MYH6: variants seen among roughly 807,000 people sequenced by gnomAD.
MYH6 encodes the protein myosin-6.
A neutral mutation model predicts 223.2 loss-of-function variants in MYH6; 126 were observed. The ratio of observed to expected loss-of-function variants is 0.56; its 90% CI spans 0.49 to 0.65. MYH6 has a LOEUF of 0.65. Among genes scored for constraint, MYH6 ranks in the 30% least tolerant of loss-of-function variants. The probability of loss-of-function intolerance (pLI) is 0.00; values close to 1 mark genes in which losing one functional copy is unlikely to be tolerated. For synonymous variants in MYH6, 978 were observed against 1,010.2 expected (o/e 0.97, Z 0.61); for missense variants, 2,040 against 2,536.4 (o/e 0.80, Z 4.20).
chr14:23,395,684 A>G (rs1891370399), intron 20 of MYH6, among the ~76,000 whole-genome samples: 1 of 151,730 alleles, frequency 6.6e-6, no homozygotes, highest in South Asian at 2.1e-4. Context: ...CTGCCACCAC[A>G]CCCGGCTAAT....
chr14:23,397,294 A>G (rs781453118), intron 16 of MYH6, 37 bp from the exon 17 acceptor site: 64 of 1,590,302 alleles, frequency 4.0e-5, no homozygotes, highest in Admixed American at 6.7e-5. Flanking sequence ...AGGAGCCACA[A>G]GGACCATCCC....
Position 23,407,495 on chromosome 14 carries a change from C to T in MYH6, c.-14+81G>A. On this transcript the variant is annotated intron_variant, in intron 2 of 38. Transcript: ENST00000405093. This position sits in a 1 kb window ranked among gnomAD's most constrained non-coding sequence, Gnocchi z 5.6. The stretch of plus-strand genomic sequence containing the variant: ...AAGGGTTGGCGCTGAGTGCTTGGGA[C>T]AGCAGACCCCTGGTCCAGCAATCCG... 7.6e-7 allele frequency: 1 copy of T among 1,320,852 alleles called. No individual in the cohort carries two copies. Among genetic ancestry groups the T allele is most frequent in the Non-Finnish European group, 9.8e-7 (1 of 1,018,246 alleles). The allele number at this position is 1,320,852 out of a possible 1,614,324, so 81.8% of individuals were successfully genotyped here.
chr14:23,393,242 G>A (rs1258002963), intron 23 of MYH6, 100 bp downstream of exon 23: 2 of 1,535,760 alleles, frequency 1.3e-6, no homozygotes, highest in Non-Finnish European at 1.8e-6. Context: ...AAAGCTTCAG[G>A]GGCCATAGAA....
Position 23,407,213 on chromosome 14 carries a change from G to A in MYH6, c.11C>T (p.Ala4Val). 1 of 1,614,226 alleles carries A rather than the reference G, an allele frequency of 6.2e-7. No individual in the cohort carries two copies. Among genetic ancestry groups the A allele is most frequent in the Non-Finnish European group, 8.5e-7 (1 of 1,180,038 alleles). Residue 4 changes from alanine to valine, a missense_variant, in exon 3 of 39, where the codon GCC becomes GTC. Coordinates refer to ENST00000405093, the MANE Select transcript of MYH6 (RefSeq NM_002471.4). The surrounding 1 kb of genome is among the most constrained non-coding windows in gnomAD (Gnocchi z 5.6). MTD[A>V]QMADFGAAAQ... ...CGCTGCCCCAAAGTCAGCCATCTGG[G>A]CATCGGTCATCTTGGTGCTTCCCCT...
At chr14:23,401,042 T>G in intron 12 of MYH6, 65 bp from the exon 13 acceptor site, 2 of 1,569,110 alleles carry the variant, frequency 1.3e-6, no homozygotes, top group Non-Finnish European at 1.7e-6. Context: ...AGGCTTGCTC[T>G]GTCACCCAGG....
At position 23,396,775 on chromosome 14, in the gene MYH6, G is replaced by A. The variant is rs753818630; in HGVS notation, c.2211C>T (p.Phe737=). The change falls in exon 19 of 39, where the codon TTC becomes TTT. Residue 737 remains phenylalanine, a synonymous_variant. Transcript: ENST00000405093. ...LNPVAIPEGQ[F]IDSRKGTEKL... ...TCTCTGTCCCCTTCCTGCTATCAAT[G>A]AACTGTCCCTCAGGGATGGCCACTG... 1 of 1,613,976 alleles carries A rather than the reference G, an allele frequency of 6.2e-7. No homozygotes were observed. The highest frequency in any genetic ancestry group is 8.5e-7 in the Non-Finnish European group (1 of 1,179,874).
At chr14:23,392,494 G>C (rs1444646582) in intron 25 of MYH6, 68 bp downstream of exon 25, 1 of 1,181,760 alleles carries the variant, frequency 8.5e-7, no homozygotes, top group African/African-American at 1.5e-5. Context: ...ACCCTAAGCA[G>C]CTGCTGCAGC....
At position 23,404,277 on chromosome 14, in the gene MYH6, A is replaced by T; in HGVS notation, c.735+19T>A. On this transcript the variant is annotated intron_variant, in intron 8 of 38. Coordinates refer to ENST00000405093, the MANE Select transcript of MYH6 (RefSeq NM_002471.4). ...GTCAAGGCTGGATGAGGCCACTGGG[A>T]GTGGTCAAAGGCACTCACAAAGCGG... is the stretch of plus-strand genomic sequence containing the variant. 6.2e-7 allele frequency: 1 copy of T among 1,613,690 alleles called. No individual in the cohort carries two copies. Among genetic ancestry groups the T allele is most frequent in the East Asian group, 2.2e-5 (1 of 44,876 alleles).
intron 25 of MYH6, 140 bp downstream of exon 25, chr14:23,392,422 C>T (rs1053153274): frequency 1.1e-4 from 85 of 772,398 alleles, no homozygotes; most frequent in South Asian, 2.6e-4. Flanking sequence ...TGTTCCTGAG[C>T]GCCTGTAAGT....
intron 24 of MYH6, 32 bp from the exon 25 acceptor site, chr14:23,392,684 C>G (rs377181044): frequency 2.7e-6 from 4 of 1,468,256 alleles, no homozygotes; most frequent in African/African-American, 2.8e-5. Flanking sequence ...GGGGGAGTGA[C>G]AGGTAGCCTT....
chr14:23,399,097 G>A, intron 14 of MYH6, 60 bp from the exon 15 acceptor site: 1 of 1,593,576 alleles, frequency 6.3e-7, no homozygotes, highest in Non-Finnish European at 8.6e-7. Flanking sequence ...GGCTTCCACA[G>A]TCCCATACCC....
chr14:23,385,058 A>C lies in MYH6; in HGVS notation c.5164-17T>G. 1 of 1,613,928 alleles carries C rather than the reference A, an allele frequency of 6.2e-7. No individual in the cohort carries two copies. Among genetic ancestry groups the C allele is most frequent in the Non-Finnish European group, 8.5e-7 (1 of 1,179,872 alleles). On this transcript the variant is annotated splice_polypyrimidine_tract_variant and intron_variant, in intron 34 of 38. Coordinates refer to ENST00000405093, the MANE Select transcript of MYH6 (RefSeq NM_002471.4). ...GCTGGTGTTCTAGACATGGAGAGAG[A>C]AAAATGATCAAATATATACTACACT...
Position 23,389,338 on chromosome 14 carries a change from A to G in MYH6, c.3978+55T>C. The G allele has an allele frequency of 1.9e-6, 3 of 1,575,344 alleles. No homozygotes were observed. The South Asian group carries it at 3.3e-5, about 17-fold the overall frequency. ...TCCAGGCTCCATTTCTGGCACTGAG[A>G]TGAATTGCCCCAGGGCTGCCATCAA... On this transcript the variant is annotated intron_variant, in intron 28 of 38. Transcript: ENST00000405093.
At position 23,390,337 on chromosome 14, in the gene MYH6, C is replaced by T. The variant is rs745406670; in HGVS notation, c.3452G>A (p.Arg1151Gln). The change falls in exon 26 of 39, where the codon CGG becomes CAG. Residue 1151 changes from arginine to glutamine, a missense_variant. Arg to Gln is a conservative substitution (Grantham distance 43). Coordinates refer to ENST00000405093, the MANE Select transcript of MYH6 (RefSeq NM_002471.4). ...CGTGGCCCCGCCGGCCTCTTCCAGC[C>T]GCTCGCTGATCTCCTCCAGCTCCCG... is the stretch of plus-strand genomic sequence containing the variant. Reference protein sequence around the residue: ...LSRELEEISERLEEAGGATSV... With the variant: ...LSRELEEISEQLEEAGGATSV... 2.7e-5 allele frequency: 44 copies of T among 1,608,168 alleles called. No homozygotes were observed. The highest frequency in any genetic ancestry group is 5.5e-5 in the South Asian group (5 of 90,882).
At position 23,405,564 on chromosome 14, in the gene MYH6, C is replaced by G. The variant is rs1038231769; in HGVS notation, c.345+63G>C. On this transcript the variant is annotated intron_variant, in intron 4 of 38. Coordinates refer to ENST00000405093, the MANE Select transcript of MYH6 (RefSeq NM_002471.4). This position sits in a 1 kb window ranked among gnomAD's most constrained non-coding sequence, Gnocchi z 4.7. Reference sequence around the variant, plus strand: ...TCTCCCCCTCTTCTTGGGAGAGCCCCCCTGGCTTATTTAGGCCTCCACGCA... The same window carrying G: ...TCTCCCCCTCTTCTTGGGAGAGCCCGCCTGGCTTATTTAGGCCTCCACGCA... The G allele has an allele frequency of 3.7e-5, 59 of 1,611,626 alleles. No individual in the cohort carries two copies. The highest frequency in any genetic ancestry group is 7.7e-5 in the South Asian group (7 of 90,862).
At chr14:23,390,579 A>AG (rs1891210657) in intron 25 of MYH6, 133 bp from the exon 26 acceptor site, 1 of 1,512,208 alleles carries the variant, frequency 6.6e-7, no homozygotes, top group African/African-American at 1.4e-5. Flanking sequence ...TTTGTGCCCC[A>AG]GGGAACAGTT....
chr14:23,399,131 C>A, intron 14 of MYH6, 94 bp from the exon 15 acceptor site: 1 of 1,495,574 alleles, frequency 6.7e-7, no homozygotes, highest in Non-Finnish European at 9.3e-7. Context: ...AATCTGGAGC[C>A]AGTAGCGCTG....
At chr14:23,382,209 G>A in intron 38 of MYH6, 146 bp from the exon 39 acceptor site, 2 of 1,120,430 alleles carry the variant, frequency 1.8e-6, no homozygotes, top group Non-Finnish European at 2.7e-6. Context: ...CCACGTTAGA[G>A]GCACTTGTGG....
chr14:23,397,982 C>CTTCTTT (rs1166818044), intron 15 of MYH6, among the ~76,000 whole-genome samples: 3 of 140,630 alleles, frequency 2.1e-5, no homozygotes, highest in Non-Finnish European at 4.6e-5. Flanking sequence ...TCTTCTTCTT[C>CTTCTTT]TTCTTCTTCT....
Sources: allele counts gnomAD v4.1 joint callset (sites outside exome capture counted in the v4.1 genomes callset), GRCh38; gene constraint gnomAD v4.1.1; non-coding constraint Gnocchi (gnomAD v3.1); transcripts MANE v1.5; gene names NCBI Gene and HGNC (gene_info 2026-07-23, HGNC 2026-07-21).